The following EFR3B variants were observed in gnomAD, a reference collection of about 807,000 sequenced individuals.
The protein encoded by EFR3B is EFR3 homolog B.
EFR3B carries 64 observed loss-of-function variants against 104.7 expected under a neutral mutation model. The ratio of observed to expected loss-of-function variants is 0.61; its 90% confidence interval spans 0.50 to 0.75. The LOEUF (loss-of-function observed/expected upper bound fraction) is 0.75. Ranked by LOEUF, EFR3B falls within the 30% of genes least tolerant of loss-of-function variation. The probability of loss-of-function intolerance (pLI) is 0.00; values close to 1 mark genes in which losing one functional copy is unlikely to be tolerated. For synonymous variants in EFR3B, 385 were observed against 417.9 expected, an observed-to-expected ratio of 0.92 and a Z score of 0.96; for missense variants, 750 against 1,078.5, an observed-to-expected ratio of 0.70 and a Z score of 4.27.
At chr2:25,090,644 G>T (rs187588287) in intron 1 of EFR3B, among the ~76,000 whole-genome samples, 15 of 152,308 alleles carry the variant, frequency 9.8e-5, no homozygotes, top group Non-Finnish European at 1.8e-4. Flanking sequence ...ACTCTAAAAG[G>T]CCGCAGTTTT....
At chr2:25,133,239 C>T (rs757388902) in intron 11 of EFR3B, 144 bp from the exon 12 acceptor site, 27 of 984,560 alleles carry the variant, frequency 2.7e-5, no homozygotes, top group Non-Finnish European at 4.2e-5. Context: ...TCTTGGTCGG[C>T]TTCCTGGGTC....
intron 4 of EFR3B, among the ~76,000 whole-genome samples, chr2:25,118,931 T>G (rs1669941721): frequency 6.6e-6 from 1 of 151,998 alleles, no homozygotes; most frequent in Admixed American, 6.6e-5. Context: ...CTAGGGAGGC[T>G]GAGGTGGGAG....
At position 25,131,696 on chromosome 2, in the gene EFR3B, A is replaced by G. The variant is rs2149205646; in HGVS notation, c.986-54A>G. On this transcript the variant is annotated intron_variant, in intron 9 of 22. Transcript: ENST00000403714. The surrounding 1 kb of genome is among the most constrained non-coding windows in gnomAD (Gnocchi z 7.6). ...CCTGCCCTGCCTGCGCGCGGTGCACAGAGGAGGAGGGTGCCAGCCTTGGAT... is the reference window on the plus strand; with the variant it reads ...CCTGCCCTGCCTGCGCGCGGTGCACGGAGGAGGAGGGTGCCAGCCTTGGAT... 6.7e-7 allele frequency: 1 copy of G among 1,481,996 alleles called. No individual in the cohort carries two copies. Among genetic ancestry groups the G allele is most frequent in the Middle Eastern group, 1.8e-4 (1 of 5,576 alleles). The allele number at this position is 1,481,996 out of a possible 1,614,324, so 91.8% of individuals were successfully genotyped here.
In EFR3B at chr2:25,114,833, C is replaced by T. The variant is rs955349943; in HGVS notation, c.364-6840C>T. 6.6e-6 allele frequency among the ~76,000 whole-genome samples: 1 copy of T among 152,214 alleles called. No homozygotes were observed. The highest frequency in any genetic ancestry group is 1.5e-5 in the Non-Finnish European group (1 of 68,032). On this transcript the variant is annotated intron_variant, in intron 4 of 22. Coordinates refer to ENST00000403714, the MANE Select transcript of EFR3B (RefSeq NM_014971.2). This position sits in a 1 kb window ranked among gnomAD's most constrained non-coding sequence, Gnocchi z 4.0. ...AGCTGTGGGACCAGTTTACCCTGGG[C>T]CAAGTACATGCGACCTGTAGATCCC...
rs1471804541 is a variant in EFR3B, at chr2:25,157,267, T to C, written c.*2927T>C. The C allele has an allele frequency of 6.6e-6, 1 of 152,166 alleles. No individual in the cohort carries two copies. Among genetic ancestry groups the C allele is most frequent in the East Asian group, 1.9e-4 (1 of 5,194 alleles). The allele number at this position is 152,166 out of a possible 1,614,324, so 9.4% of individuals were successfully genotyped here. A position where few individuals can be genotyped will look rare whatever the true frequency, so the allele number is the denominator to read the frequency against. On this transcript the variant is annotated 3_prime_UTR_variant, in exon 23 of 23. Coordinates refer to ENST00000403714, the MANE Select transcript of EFR3B (RefSeq NM_014971.2). ...AACTTACACTCAGTAGAGTGTTGGG[T>C]TGTCTGCTGACATGGAGTAGAACCT...
intron 12 of EFR3B, among the ~76,000 whole-genome samples, 194 bp from the exon 13 acceptor site, chr2:25,135,273 A>G (rs1358410444): frequency 6.6e-6 from 1 of 151,978 alleles, no homozygotes; most frequent in African/African-American, 2.4e-5. Context: ...ATGTCTACTG[A>G]GCTCGGTGTC....
In EFR3B at chr2:25,123,688, T is replaced by C. The variant is rs550288663; in HGVS notation, c.485+1894T>C. Among the ~76,000 whole-genome samples, 13 of 152,324 alleles carry C rather than the reference T, an allele frequency of 8.5e-5. No individual in the cohort carries two copies. In the South Asian group the frequency reaches 2.7e-3, roughly 32 times the overall value. On this transcript the variant is annotated intron_variant, in intron 5 of 22. Coordinates refer to ENST00000403714, the MANE Select transcript of EFR3B (RefSeq NM_014971.2). ...CCAGAAGCAGGTGTTAGGGGAGGTA[T>C]AGGACCATGGCCACATATGTCTGTA...
rs1573223825 is a variant in EFR3B at position 25,129,068 on chromosome 2, G to A, written c.635+736G>A. 4.1e-5 allele frequency among the ~76,000 whole-genome samples: 6 copies of A among 146,282 alleles called. No individual in the cohort carries two copies. In the South Asian group the frequency reaches 1.3e-3, roughly 32 times the overall value. Reference sequence around the variant, plus strand: ...GACCTTCCTTCCTCTGTTGCTTCCTGATGCTATTTCAGGCCCTGAAAACGT... The same window carrying A: ...GACCTTCCTTCCTCTGTTGCTTCCTAATGCTATTTCAGGCCCTGAAAACGT... On this transcript the variant is annotated intron_variant, in intron 6 of 22. Transcript: ENST00000403714.
intron 1 of EFR3B, among the ~76,000 whole-genome samples, chr2:25,063,899 T>C (rs1668263680): frequency 6.6e-6 from 1 of 152,144 alleles, no homozygotes; most frequent in African/African-American, 2.4e-5. Context: ...TGCTCCTGGC[T>C]TCTTGAGATG....
At chr2:25,068,238 A>G (rs1182320528) in intron 1 of EFR3B, among the ~76,000 whole-genome samples, 2 of 152,108 alleles carry the variant, frequency 1.3e-5, no homozygotes, top group Non-Finnish European at 2.9e-5. Context: ...TTATTTATTT[A>G]GTTTTTTTGA....
intron 1 of EFR3B, among the ~76,000 whole-genome samples, chr2:25,046,772 G>C (rs1176041924): frequency 2.6e-5 from 4 of 152,060 alleles, no homozygotes; most frequent in African/African-American, 9.7e-5. Context: ...CAAAGTGCTG[G>C]GATTACAGGC....
At chr2:25,088,153 C>T (rs1214280971) in intron 1 of EFR3B, among the ~76,000 whole-genome samples, 2 of 152,134 alleles carry the variant, frequency 1.3e-5, no homozygotes, top group Non-Finnish European at 2.9e-5. Flanking sequence ...CCACTAGTGG[C>T]CTTCCAATGG....
At chr2:25,118,726 CAAAAAAAAA>C (rs869026900) in intron 4 of EFR3B, among the ~76,000 whole-genome samples, 7 of 33,536 alleles carry the variant, frequency 2.1e-4, no homozygotes, top group Admixed American at 1.2e-3. Context: ...CCTGTCTCTA[CAAAAAAAAA>C]AAAAAAAAAA....
Position 25,136,558 on chromosome 2 carries a change from T to A in EFR3B, c.1520T>A (p.Val507Glu). The A allele has an allele frequency of 6.4e-7, 1 of 1,551,394 alleles. No individual in the cohort carries two copies. Among genetic ancestry groups the A allele is most frequent in the Non-Finnish European group, 8.7e-7 (1 of 1,146,886 alleles). Residue 507 changes from valine (V) to glutamate (E), a missense_variant, in exon 14 of 23, where the codon GTG (valine) becomes GAG (glutamate). Transcript: ENST00000403714. This position sits in a 1 kb window ranked among gnomAD's most constrained non-coding sequence, Gnocchi z 4.0. ...GACATCTCTGTCCTGAAGCTGAAAG[T>A]GGACAAGTGCTCTCGACAGGACACC... ...LSDISVLKLK[V>E]DKCSRQDTVF...
intron 17 of EFR3B, among the ~76,000 whole-genome samples, chr2:25,142,119 C>T (rs1670685169): frequency 6.6e-6 from 1 of 152,054 alleles, no homozygotes; most frequent in African/African-American, 2.4e-5. Context: ...GGCCGCAAAG[C>T]AAGAACCCAT....
chr2:25,145,408 A>G (rs1670787446), intron 19 of EFR3B: 2 of 366,320 alleles, frequency 5.5e-6, no homozygotes, highest in African/African-American at 2.0e-5. Flanking sequence ...CCATCTCTAC[A>G]AAAAATAATT....
At chr2:25,073,754 G>A (rs550655949) in intron 1 of EFR3B, among the ~76,000 whole-genome samples, 3 of 152,236 alleles carry the variant, frequency 2.0e-5, no homozygotes, top group African/African-American at 7.2e-5. Flanking sequence ...ACATGCATGT[G>A]TGCCCCTTTG....
chr2:25,096,390 G>A (rs575668276), intron 3 of EFR3B, among the ~76,000 whole-genome samples: 11 of 152,162 alleles, frequency 7.2e-5, no homozygotes, highest in African/African-American at 2.2e-4. Context: ...TTCTCTTTTC[G>A]TTCAGATGAT....
chr2:25,081,706 T>G, intron 1 of EFR3B: 1 of 513,600 alleles, frequency 1.9e-6, no homozygotes, highest in Non-Finnish European at 3.4e-6. Flanking sequence ...GTGAGACCCA[T>G]TCCCTTGGTA....
Sources: allele counts gnomAD v4.1 joint callset (sites outside exome capture counted in the v4.1 genomes callset), GRCh38; gene constraint gnomAD v4.1.1; non-coding constraint Gnocchi (gnomAD v3.1); transcripts MANE v1.5; gene names NCBI Gene and HGNC (gene_info 2026-07-23, HGNC 2026-07-21).